Variants in SLCO2A1 observed in about 807,000 individuals in gnomAD.
The protein encoded by SLCO2A1 is solute carrier organic anion transporter family member 2A1.
A neutral mutation model predicts 71.7 loss-of-function variants in SLCO2A1; 60 were observed. The observed-to-expected ratio is 0.84, with a 90% CI of 0.68 to 1.04. The LOEUF (loss-of-function observed/expected upper bound fraction) is 1.04. Ranked by LOEUF, SLCO2A1 falls within the 50% of genes least tolerant of loss-of-function variation. The pLI is 0.00. For missense variants in SLCO2A1, 745 were observed against 813.4 expected, an observed-to-expected ratio of 0.92 and a Z score of 1.02; for synonymous variants, 308 against 326.7, an observed-to-expected ratio of 0.94 and a Z score of 0.62.
chr3:133,953,108 C>A (rs1174190146), intron 5 of SLCO2A1, among the ~76,000 whole-genome samples: 1 of 152,008 alleles, frequency 6.6e-6, no homozygotes, highest in Non-Finnish European at 1.5e-5. Flanking sequence ...ATGATCTCGG[C>A]TCACTGCAAG....
chr3:133,934,850 G>A lies in SLCO2A1; in HGVS notation c.1815-20C>T, dbSNP rs750705745. On this transcript the variant is annotated intron_variant, in intron 13 of 13. Transcript: ENST00000310926. ...AGGTACCTGTGGGCAGGAGGAGGCA[G>A]GACTGGTGAGGGAGGGGGCTCTGCA... is the stretch of plus-strand genomic sequence containing the variant. 1 of 1,586,268 alleles carries A rather than the reference G, an allele frequency of 6.3e-7. No homozygotes were observed. The highest frequency in any genetic ancestry group is 8.6e-7 in the Non-Finnish European group (1 of 1,161,986).
chr3:134,009,960 G>T (rs1935298415), intron 1 of SLCO2A1, among the ~76,000 whole-genome samples: 1 of 152,148 alleles, frequency 6.6e-6, no homozygotes, highest in Non-Finnish European at 1.5e-5. Flanking sequence ...ATAAAATGTG[G>T]GCAATGCATA....
chr3:133,966,846 G>A (rs1217212224), intron 3 of SLCO2A1, among the ~76,000 whole-genome samples: 4 of 152,208 alleles, frequency 2.6e-5, no homozygotes, highest in African/African-American at 9.6e-5. Context: ...GGCAGCAAGA[G>A]CAGAAAGTTC....
chr3:134,027,338 G>A (rs1194605991), intron 1 of SLCO2A1, among the ~76,000 whole-genome samples: 2 of 152,276 alleles, frequency 1.3e-5, no homozygotes, highest in African/African-American at 2.4e-5. Flanking sequence ...TGACCTAATC[G>A]GTTATGTTAT....
Position 133,951,116 on chromosome 3 carries a change from C to T in SLCO2A1, c.861+92G>A, listed in dbSNP as rs769623745. 10 of 1,545,306 alleles carry T rather than the reference C, an allele frequency of 6.5e-6. No individual in the cohort carries two copies. In the South Asian group the frequency reaches 1.1e-4, roughly 17 times the overall value. ...TAGATTTCACCCTGAATTTGCTTAA[C>T]ATGCTGCAGCTTTTTAGCTCTATTT... On this transcript the variant is annotated intron_variant, in intron 6 of 13. Coordinates refer to ENST00000310926, the MANE Select transcript of SLCO2A1 (RefSeq NM_005630.3).
rs901180620 is a variant in SLCO2A1 at position 133,947,513 on chromosome 3, G to T, written c.1106-68C>A. 4.5e-6 allele frequency: 6 copies of T among 1,333,040 alleles called. No homozygotes were observed. The Admixed American group carries it at 9.3e-5, about 21-fold the overall frequency. 82.6% of individuals were successfully genotyped at this position (1,333,040 alleles called of 1,614,324 possible). A position where few individuals can be genotyped will look rare whatever the true frequency, so the allele number is the denominator to read the frequency against. On this transcript the variant is annotated intron_variant, in intron 8 of 13. Transcript: ENST00000310926. ...GGACTGCATGTGGGCTACAAACACT[G>T]AGCTGGATCACTGAGAAGGAAGCAT... is the stretch of plus-strand genomic sequence containing the variant.
intron 4 of SLCO2A1, among the ~76,000 whole-genome samples, chr3:133,954,540 G>A (rs528182437): frequency 2.0e-5 from 3 of 152,298 alleles, no homozygotes; most frequent in South Asian, 4.1e-4. Flanking sequence ...CTTCTTTGAG[G>A]CCAACCTGCT....
intron 1 of SLCO2A1, among the ~76,000 whole-genome samples, chr3:133,983,428 A>G (rs4549269): frequency 0.33 from 49,761 of 152,142 alleles, 8,571 homozygotes; most frequent in Non-Finnish European, 0.39. Flanking sequence ...CCCTGTGCAG[A>G]TTGAAGATTT....
At position 133,988,809 on chromosome 3, in the gene SLCO2A1, T is replaced by C. The variant is rs149192312; in HGVS notation, c.97-9191A>G. 3.2e-3 allele frequency among the ~76,000 whole-genome samples: 488 copies of C among 152,314 alleles called. 9 individuals carry two copies. Among genetic ancestry groups the C allele is most frequent in the African/African-American group, 0.011 (469 of 41,574 alleles). On this transcript the variant is annotated intron_variant, in intron 1 of 13. Transcript: ENST00000310926. ...TGCTCTCTAGGCCGAGCTGACTGCA[T>C]ACCAGACAGGTGGGAACACGTGAGA...
At chr3:133,954,237 A>G (rs1657645482) in intron 4 of SLCO2A1, among the ~76,000 whole-genome samples, 3 of 139,038 alleles carry the variant, frequency 2.2e-5, no homozygotes, top group Non-Finnish European at 4.5e-5. Flanking sequence ...ATCTTGGCTC[A>G]CTGCAACCTC....
In SLCO2A1 at chr3:133,945,098, T is replaced by C; in HGVS notation, c.1458A>G (p.Gln486=). ...TCTGGACCCTGGCTGCCCTTACCAGTTGCTTGGAGGTTGCAGAGCTCATGT... is the reference window on the plus strand; with the variant it reads ...TCTGGACCCTGGCTGCCCTTACCAGCTGCTTGGAGGTTGCAGAGCTCATGT... ...NINMSSATSK[Q]LIYLNCSCVT... is the part of the protein sequence containing the mutation. The change falls in exon 10 of 14, where the codon CAA becomes CAG. Residue 486 remains glutamine (Q), a synonymous_variant. Transcript: ENST00000310926. The C allele has an allele frequency of 6.2e-7, 1 of 1,611,802 alleles. No homozygotes were observed. The highest frequency in any genetic ancestry group is 8.5e-7 in the Non-Finnish European group (1 of 1,178,950).
intron 1 of SLCO2A1, among the ~76,000 whole-genome samples, chr3:134,015,900 G>A (rs555201606): frequency 1.3e-5 from 2 of 152,156 alleles, no homozygotes; most frequent in African/African-American, 4.8e-5. Flanking sequence ...TTTGACAAAG[G>A]TGCAATGGCA....
intron 1 of SLCO2A1, among the ~76,000 whole-genome samples, chr3:134,027,443 G>A (rs763634250): frequency 3.9e-5 from 6 of 152,156 alleles, no homozygotes; most frequent in South Asian, 2.1e-4. Flanking sequence ...CCCCAGTCAC[G>A]TACCCACTGT....
In SLCO2A1 at chr3:134,029,496, GCACACACACACGCTCA is replaced by G. The variant is rs1159609883; in HGVS notation, c.96+195_96+210del. ...TGAACACACACACACACACTCGCACGCACACACACACGCTCACACACACACACGCTCACACACACAC... is the reference window on the plus strand; with the variant it reads ...TGAACACACACACACACACTCGCACGCACACACACACGCTCACACACACAC... On this transcript the variant is annotated intron_variant, in intron 1 of 13. Coordinates refer to ENST00000310926, the MANE Select transcript of SLCO2A1 (RefSeq NM_005630.3). 1.9e-3 allele frequency among the ~76,000 whole-genome samples: 223 copies of G among 115,884 alleles called. 1 individual carries two copies. The highest frequency in any genetic ancestry group is 8.5e-3 in the African/African-American group (212 of 24,970). The allele number at this position is 115,884 out of a possible 152,430, so 76.0% of individuals were successfully genotyped here.
chr3:133,945,077 G>T lies in SLCO2A1; in HGVS notation c.1461+18C>A. Reference sequence around the variant, plus strand: ...TCCTGTGGGGCTCCTCTTGCCTCTGGACCCTGGCTGCCCTTACCAGTTGCT... The same window carrying T: ...TCCTGTGGGGCTCCTCTTGCCTCTGTACCCTGGCTGCCCTTACCAGTTGCT... On this transcript the variant is annotated intron_variant, in intron 10 of 13. Transcript: ENST00000310926. The T allele has an allele frequency of 6.2e-7, 1 of 1,604,270 alleles. No individual in the cohort carries two copies. Among genetic ancestry groups the T allele is most frequent in the South Asian group, 1.1e-5 (1 of 89,156 alleles).
At chr3:133,996,167 C>T (rs1202604177) in intron 1 of SLCO2A1, among the ~76,000 whole-genome samples, 1 of 152,152 alleles carries the variant, frequency 6.6e-6, no homozygotes, top group Non-Finnish European at 1.5e-5. Context: ...GAAGTTAGTG[C>T]CCTGGCAGGA....
At chr3:133,942,898 A>AGGCTCACCCAGCTTCCCT in intron 10 of SLCO2A1, 130 bp from the exon 11 acceptor site, 1 of 1,010,782 alleles carries the variant, frequency 9.9e-7, no homozygotes, top group Non-Finnish European at 1.4e-6. Flanking sequence ...TCTGGTTCCC[A>AGGCTCACCCAGCTTCCCT]GGGAAGCTGG....
chr3:133,977,880 C>T (rs1934496623), intron 2 of SLCO2A1, among the ~76,000 whole-genome samples: 1 of 152,034 alleles, frequency 6.6e-6, no homozygotes, highest in Non-Finnish European at 1.5e-5. Context: ...CAGGCAGACC[C>T]AGTCACCAGG....
Position 133,934,276 on chromosome 3 carries a change from C to T in SLCO2A1, c.*437G>A, listed in dbSNP as rs1327042887. On this transcript the variant is annotated 3_prime_UTR_variant, in exon 14 of 14. Transcript: ENST00000310926. The stretch of plus-strand genomic sequence containing the variant: ...TTAATAACTCAGCCACTTCCTTCTT[C>T]CTTTCACCCCTGCCACTCTGCAGGG... 6.5e-6 allele frequency: 1 copy of T among 153,810 alleles called. No homozygotes were observed. Among genetic ancestry groups the T allele is most frequent in the Non-Finnish European group, 1.4e-5 (1 of 69,152 alleles). The allele number at this position is 153,810 out of a possible 1,614,324, so 9.5% of individuals were successfully genotyped here. A position where few individuals can be genotyped will look rare whatever the true frequency, so the allele number is the denominator to read the frequency against.
Sources: gnomAD v4.1 joint callset for allele counts (sites outside exome capture counted in the v4.1 genomes callset) on GRCh38, gnomAD v4.1.1 for gene constraint, MANE v1.5 for transcripts, NCBI Gene and HGNC (gene_info 2026-07-23, HGNC 2026-07-21) for gene names.